The following MEAF6 variants were observed in gnomAD, a reference collection of about 807,000 sequenced individuals.
The protein encoded by MEAF6 is chromatin modification-related protein MEAF6.
MEAF6 carries 15 observed loss-of-function variants against 28.9 expected under a neutral mutation model. The observed-to-expected ratio is 0.52, with a 90% CI of 0.35 to 0.80. MEAF6 has a LOEUF of 0.80. Ranked by LOEUF, MEAF6 falls within the 30% of genes least tolerant of loss-of-function variation. The pLI is 0.01. For synonymous variants in MEAF6, 97 were observed against 88.7 expected (o/e 1.09, Z -0.53); for missense variants, 178 against 237.5 (o/e 0.75, Z 1.65).
At chr1:37,502,568 T>G (rs1642348845) in intron 4 of MEAF6, among the ~76,000 whole-genome samples, 1 of 55,414 alleles carries the variant, frequency 1.8e-5, no homozygotes, top group South Asian at 4.4e-4. Flanking sequence ...TTTTTTTTTG[T>G]TTGTTTGTTT....
At chr1:37,502,473 G>A (rs1642342435) in intron 4 of MEAF6, among the ~76,000 whole-genome samples, 1 of 150,622 alleles carries the variant, frequency 6.6e-6, no homozygotes, top group African/African-American at 2.4e-5. Context: ...TACAGTGACT[G>A]TACAAAAAAA....
At position 37,490,272 on chromosome 1, in the gene MEAF6, G is replaced by T. The variant is rs966138098; in HGVS notation, c.*3827C>A. ...TGGTGACAACTTTTAATCCACGGAA[G>T]CAGTTTTTCAAAGTGAAAACTGTTT... On this transcript the variant is annotated 3_prime_UTR_variant, in exon 7 of 7. Transcript: ENST00000296214. Among the ~76,000 whole-genome samples, 2 of 151,910 alleles carry T rather than the reference G, an allele frequency of 1.3e-5. No homozygotes were observed. The highest frequency in any genetic ancestry group is 4.8e-5 in the African/African-American group (2 of 41,352).
Position 37,513,516 on chromosome 1 carries a change from C to G in MEAF6, c.113G>C (p.Arg38Pro). ...GCTTCCCTCAAAAGCATAGATCTGT[C>G]GCTCCAAATTTGCCAATGTTTCCTG... The part of the protein sequence containing the change: ...ELAETLANLE[R>P]QIYAFEGSYL... Residue 38 changes from arginine to proline, a missense_variant, in exon 2 of 7, where the codon CGA (arginine) becomes CCA (proline). Transcript: ENST00000296214. The G allele has an allele frequency of 6.2e-7, 1 of 1,614,084 alleles. No individual in the cohort carries two copies. The highest frequency in any genetic ancestry group is 1.1e-5 in the South Asian group (1 of 91,076).
At chr1:37,496,927 A>G (rs568439161) in intron 5 of MEAF6, among the ~76,000 whole-genome samples, 4 of 152,380 alleles carry the variant, frequency 2.6e-5, no homozygotes, top group Non-Finnish European at 4.4e-5. Flanking sequence ...AATGGATTTC[A>G]TATCAGAAGA....
In MEAF6 at chr1:37,491,452, G is replaced by A. The variant is rs555729661; in HGVS notation, c.*2647C>T. Among the ~76,000 whole-genome samples the A allele has an allele frequency of 8.5e-5, 13 of 152,366 alleles. No individual in the cohort carries two copies. Among genetic ancestry groups the A allele is most frequent in the African/African-American group, 3.1e-4 (13 of 41,588 alleles). ...ACCTATAATCCCAGCACTTTGGGAG[G>A]CCAAGGCAGAAGGACTGCTTGAGGC... On this transcript the variant is annotated 3_prime_UTR_variant, in exon 7 of 7. Transcript: ENST00000296214.
At position 37,514,444 on chromosome 1, in the gene MEAF6, C is replaced by T. The variant is rs1308164282; in HGVS notation, c.90+213G>A. 1.2e-5 allele frequency: 4 copies of T among 339,582 alleles called. No homozygotes were observed. In the Admixed American group the frequency reaches 1.5e-4, roughly 13 times the overall value. 21.0% of individuals were successfully genotyped at this position (339,582 alleles called of 1,614,324 possible). On this transcript the variant is annotated intron_variant, in intron 1 of 6. Coordinates refer to ENST00000296214, the MANE Select transcript of MEAF6 (RefSeq NM_001270875.3). Reference sequence around the variant, plus strand: ...TGCCGCTTCCCCTCCCCCTCCCGCGCTCCCGGCTCTCTCCCGGCTCCGGAT... The same window carrying T: ...TGCCGCTTCCCCTCCCCCTCCCGCGTTCCCGGCTCTCTCCCGGCTCCGGAT...
chr1:37,508,489 G>A (rs763356749), intron 4 of MEAF6, among the ~76,000 whole-genome samples: 1 of 151,686 alleles, frequency 6.6e-6, no homozygotes, highest in Non-Finnish European at 1.5e-5. Flanking sequence ...TTGTTGACTA[G>A]GCTGGTCTTG....
chr1:37,494,331 T>C (rs981238479), intron 6 of MEAF6, among the ~76,000 whole-genome samples: 1 of 147,636 alleles, frequency 6.8e-6, no homozygotes, highest in Non-Finnish European at 1.5e-5. Flanking sequence ...CTGGCCAGCA[T>C]AGTGAAACCC....
intron 5 of MEAF6, among the ~76,000 whole-genome samples, 155 bp from the exon 6 acceptor site, chr1:37,496,073 C>T (rs1206165214): frequency 6.6e-6 from 1 of 152,188 alleles, no homozygotes; most frequent in African/African-American, 2.4e-5. Flanking sequence ...GTTGTTTACC[C>T]AGATATTATC....
chr1:37,513,937 C>A, intron 1 of MEAF6: 1 of 236,386 alleles, frequency 4.2e-6, no homozygotes, highest in South Asian at 1.2e-4. Context: ...CCCCTCCCCG[C>A]AGGCTCAAGA....
At chr1:37,513,880 G>A (rs796291322) in intron 1 of MEAF6, 2 of 354,888 alleles carry the variant, frequency 5.6e-6, no homozygotes, top group Admixed American at 4.4e-5. Context: ...AAAAGGTATC[G>A]CTACCAGGAG....
chr1:37,498,409 T>TTTATTATTATTAATATTA (rs1642190004), intron 5 of MEAF6, among the ~76,000 whole-genome samples: 1 of 122,538 alleles, frequency 8.2e-6, no homozygotes, highest in Non-Finnish European at 1.9e-5. Context: ...TATGTTATTT[T>TTTATTATTATTAATATTA]TTATTATTAT....
chr1:37,511,607 C>T (rs912031496), intron 2 of MEAF6, among the ~76,000 whole-genome samples: 1 of 152,182 alleles, frequency 6.6e-6, no homozygotes, highest in East Asian at 1.9e-4. Context: ...GACAATGTGA[C>T]ATTATGTGCC....
intron 4 of MEAF6, among the ~76,000 whole-genome samples, chr1:37,508,657 A>G (rs1642566088): frequency 6.6e-6 from 1 of 152,196 alleles, no homozygotes; most frequent in African/African-American, 2.4e-5. Flanking sequence ...AATTTTCCAT[A>G]AAAGTTATTG....
intron 3 of MEAF6, 58 bp from the exon 4 acceptor site, chr1:37,509,381 C>G: frequency 6.2e-7 from 1 of 1,604,792 alleles, no homozygotes; most frequent in Non-Finnish European, 8.5e-7. Flanking sequence ...AAGAGCACTC[C>G]CAGAGGAAGG....
chr1:37,496,441 CA>C, intron 5 of MEAF6: 1 of 485,176 alleles, frequency 2.1e-6, no homozygotes, highest in Non-Finnish European at 3.3e-6. Context: ...GCCAGAAAAT[CA>C]ATTTAAATAT....
Position 37,492,210 on chromosome 1 carries a change from A to T in MEAF6, c.*1889T>A, listed in dbSNP as rs908317592. On this transcript the variant is annotated 3_prime_UTR_variant, in exon 7 of 7. Coordinates refer to ENST00000296214, the MANE Select transcript of MEAF6 (RefSeq NM_001270875.3). The stretch of plus-strand genomic sequence containing the variant: ...CGCTCAGCTAATTTTTTGCATTTTT[A>T]GTAGAGATGGGGTTTCACTGTGTTC... 6.6e-6 allele frequency among the ~76,000 whole-genome samples: 1 copy of T among 151,934 alleles called. No individual in the cohort carries two copies. Among genetic ancestry groups the T allele is most frequent in the African/African-American group, 2.4e-5 (1 of 41,346 alleles).
chr1:37,494,249 C>T, intron 6 of MEAF6, 142 bp from the exon 7 acceptor site: 2 of 737,094 alleles, frequency 2.7e-6, no homozygotes, highest in Non-Finnish European at 4.6e-6. Flanking sequence ...GGCACAGTGG[C>T]TCACACCTGT....
intron 4 of MEAF6, among the ~76,000 whole-genome samples, chr1:37,502,283 C>T (rs1434527705): frequency 6.6e-6 from 1 of 152,186 alleles, no homozygotes. Context: ...GCTGTGTTGT[C>T]CAAGCTGGTC....
Sources: gnomAD v4.1 joint callset for allele counts (sites outside exome capture counted in the v4.1 genomes callset) on GRCh38, gnomAD v4.1.1 for gene constraint, MANE v1.5 for transcripts, NCBI Gene and HGNC (gene_info 2026-07-23, HGNC 2026-07-21) for gene names.